The following TTC21B variants were observed in gnomAD, a reference collection of about 807,000 sequenced individuals.
TTC21B encodes the protein tetratricopeptide repeat protein 21B.
A neutral mutation model predicts 175.1 loss-of-function variants in TTC21B; 127 were observed. The ratio of observed to expected loss-of-function variants is 0.73; its 90% CI spans 0.63 to 0.84. The LOEUF (loss-of-function observed/expected upper bound fraction) is 0.84. Ranked by LOEUF, TTC21B falls within the 40% of genes least tolerant of loss-of-function variation. TTC21B has a pLI of 0.00. For synonymous variants in TTC21B, 524 were observed against 524.5 expected (o/e 1.00, Z 0.01); for missense variants, 1,561 against 1,558.3 (o/e 1.00, Z -0.03).
chr2:165,922,026 A>C (rs1450288697), intron 12 of TTC21B, among the ~76,000 whole-genome samples: 2 of 151,782 alleles, frequency 1.3e-5, no homozygotes, highest in Non-Finnish European at 2.9e-5. Context: ...ATTCTTACGT[A>C]GGCTGTTATT....
chr2:165,911,740 G>A (rs1446152862), intron 17 of TTC21B, among the ~76,000 whole-genome samples: 1 of 151,172 alleles, frequency 6.6e-6, no homozygotes, highest in Non-Finnish European at 1.5e-5. Flanking sequence ...TCAGCTCACT[G>A]CAACCTCTGC....
intron 19 of TTC21B, among the ~76,000 whole-genome samples, chr2:165,905,512 CA>C (rs1685697438): frequency 6.6e-6 from 1 of 151,914 alleles, no homozygotes. Flanking sequence ...TAACACAAGA[CA>C]AAGGAGATTT....
Position 165,899,850 on chromosome 2 carries a change from C to A in TTC21B, c.2788G>T (p.Ala930Ser). 1 of 1,613,328 alleles carries A rather than the reference C, an allele frequency of 6.2e-7. No individual in the cohort carries two copies. Among genetic ancestry groups the A allele is most frequent in the Non-Finnish European group, 8.5e-7 (1 of 1,179,588 alleles). The change falls in exon 21 of 29, where the codon GCA (alanine) becomes TCA (serine). Residue 930 changes from alanine (A) to serine (S), a missense_variant. Physicochemically the swap from Ala to Ser is moderately conservative, Grantham distance 99. Coordinates refer to ENST00000243344, the MANE Select transcript of TTC21B (RefSeq NM_024753.5). ...AGGCAGGAATCAGGGTCATCTTGTG[C>A]CAGGTATAATCGTGCCAGTTCCAAC... ...IMLELARLYL[A>S]QDDPDSCLRQ...
rs759752143 is a variant in TTC21B, at chr2:165,898,717, A to G, written c.2919T>C (p.Phe973=). 2.5e-6 allele frequency: 4 copies of G among 1,613,610 alleles called. No individual in the cohort carries two copies. Among genetic ancestry groups the G allele is most frequent in the Non-Finnish European group, 3.4e-6 (4 of 1,179,498 alleles). Residue 973 remains phenylalanine, a synonymous_variant, in exon 22 of 29, where the codon TTT becomes TTC. Coordinates refer to ENST00000243344, the MANE Select transcript of TTC21B (RefSeq NM_024753.5). ...FRKQDYEQAV[F]HLQQLLERKP... is the part of the protein sequence containing the mutation. The stretch of plus-strand genomic sequence containing the variant: ...TACGTTCTAAAAGCTGCTGTAAATG[A>G]AACACTGCTTGTTCATAGTCTTGTT...
chr2:165,910,467 CCAAA>C (rs1685892469), intron 18 of TTC21B, among the ~76,000 whole-genome samples: 1 of 151,756 alleles, frequency 6.6e-6, no homozygotes, highest in Non-Finnish European at 1.5e-5. Flanking sequence ...TTGATAGTAC[CCAAA>C]CAAATTTTAC....
chr2:165,903,624 C>CA (rs1310203861), intron 19 of TTC21B, among the ~76,000 whole-genome samples: 3 of 152,134 alleles, frequency 2.0e-5, no homozygotes, highest in Non-Finnish European at 4.4e-5. Context: ...TAAAAGATGA[C>CA]AGAGAGGGCT....
intron 22 of TTC21B, among the ~76,000 whole-genome samples, chr2:165,897,506 C>G (rs1043032443): frequency 6.6e-6 from 1 of 152,082 alleles, no homozygotes; most frequent in Admixed American, 6.6e-5. Flanking sequence ...GGGGGTGGAG[C>G]AAACTTAGAG....
chr2:165,941,967 T>C (rs1423795632), intron 5 of TTC21B, among the ~76,000 whole-genome samples: 1 of 152,184 alleles, frequency 6.6e-6, no homozygotes, highest in Non-Finnish European at 1.5e-5. Flanking sequence ...TGTTCATGTA[T>C]CTCATAGTCA....
In TTC21B at chr2:165,949,615, G is replaced by T. The variant is rs1553516687; in HGVS notation, c.131C>A (p.Ala44Asp). Residue 44 changes from alanine to aspartate, a missense_variant, in exon 2 of 29, where the codon GCC (alanine) becomes GAC (aspartate). Transcript: ENST00000243344. Reference protein sequence around the residue: ...GSDPVFRFYHAYGTLMEGKTQ... With the variant: ...GSDPVFRFYHDYGTLMEGKTQ... Reference sequence around the variant, plus strand: ...CGTACCTTCCATTAATGTGCCATAGGCATGATAAAACCTGAAGACTGGATC... The same window carrying T: ...CGTACCTTCCATTAATGTGCCATAGTCATGATAAAACCTGAAGACTGGATC... 1 of 1,613,582 alleles carries T rather than the reference G, an allele frequency of 6.2e-7. No individual in the cohort carries two copies. Among genetic ancestry groups the T allele is most frequent in the Non-Finnish European group, 8.5e-7 (1 of 1,179,880 alleles).
chr2:165,918,319 G>T (rs1686255356), intron 13 of TTC21B, among the ~76,000 whole-genome samples: 1 of 152,028 alleles, frequency 6.6e-6, no homozygotes, highest in Admixed American at 6.5e-5. Context: ...TTTTGAGATG[G>T]AGTCTCGCTC....
In TTC21B at chr2:165,911,391, T is replaced by C. The variant is rs1421269601; in HGVS notation, c.2397A>G (p.Leu799=). The C allele has an allele frequency of 6.2e-7, 1 of 1,613,914 alleles. No individual in the cohort carries two copies. The highest frequency in any genetic ancestry group is 2.2e-5 in the East Asian group (1 of 44,802). The change falls in exon 18 of 29, where the codon TTA becomes TTG. Residue 799 remains leucine, a synonymous_variant. Coordinates refer to ENST00000243344, the MANE Select transcript of TTC21B (RefSeq NM_024753.5). ...CTTTGTCATACCATTTCAATTTTAA[T>C]AAGAGCTCAGCCAGGTCATAGCAAA... ...NYLCYDLAEL[L]LKLKWYDKAE...
At chr2:165,901,687 ATAAAAGGTATT>A (rs780178967) in intron 20 of TTC21B, 24 bp downstream of exon 20, 11 of 1,580,048 alleles carry the variant, frequency 7.0e-6, no homozygotes, top group Non-Finnish European at 9.6e-6. Flanking sequence ...GACATCTGGA[ATAAAAGGTATT>A]TAAAATTTTA....
At chr2:165,885,068 T>A (rs1684958982) in intron 25 of TTC21B, among the ~76,000 whole-genome samples, 1 of 152,158 alleles carries the variant, frequency 6.6e-6, no homozygotes. Context: ...GAGGATCTCT[T>A]GAGCCTGGGG....
chr2:165,938,141 T>C (rs1687228932), intron 6 of TTC21B, among the ~76,000 whole-genome samples: 1 of 151,668 alleles, frequency 6.6e-6, no homozygotes, highest in South Asian at 2.1e-4. Flanking sequence ...CCATGGTATG[T>C]AAAACAAACA....
intron 27 of TTC21B, chr2:165,880,085 G>A (rs142864574): frequency 1.2e-4 from 19 of 153,824 alleles, no homozygotes; most frequent in Non-Finnish European, 2.0e-4. Flanking sequence ...GAGCTCCCTC[G>A]TATGAGGAGA....
At chr2:165,900,436 A>T (rs186076226) in intron 20 of TTC21B, among the ~76,000 whole-genome samples, 1 of 152,274 alleles carries the variant, frequency 6.6e-6, no homozygotes, top group African/African-American at 2.4e-5. Flanking sequence ...TTTGTACATG[A>T]TCACTTACTT....
chr2:165,939,072 C>T (rs953976636), intron 6 of TTC21B, among the ~76,000 whole-genome samples: 2 of 152,018 alleles, frequency 1.3e-5, no homozygotes, highest in African/African-American at 4.8e-5. Context: ...TTTGAATTTG[C>T]TTCAAAACGA....
intron 1 of TTC21B, among the ~76,000 whole-genome samples, chr2:165,951,809 T>C (rs888658886): frequency 6.6e-6 from 1 of 152,164 alleles, no homozygotes; most frequent in Non-Finnish European, 1.5e-5. Flanking sequence ...TGAAATATAA[T>C]GTAGTAAATG....
chr2:165,938,122 CA>C (rs1553515277), intron 6 of TTC21B, among the ~76,000 whole-genome samples: 1 of 16,158 alleles, frequency 6.2e-5, no homozygotes, highest in Non-Finnish European at 9.8e-5. Flanking sequence ...CAGAAGCACT[CA>C]TCTAAATCCA....
Sources: allele counts gnomAD v4.1 joint callset (sites outside exome capture counted in the v4.1 genomes callset), GRCh38; gene constraint gnomAD v4.1.1; transcripts MANE v1.5; gene names NCBI Gene and HGNC (gene_info 2026-07-23, HGNC 2026-07-21).